Variants in SLC39A2 observed in about 807,000 individuals in gnomAD.
SLC39A2 encodes the protein zinc transporter ZIP2.
SLC39A2 carries 14 observed loss-of-function variants against 18.0 expected under a neutral mutation model. That is an observed-to-expected ratio of 0.78 (90% confidence interval 0.51 to 1.22). SLC39A2 has a LOEUF of 1.22. SLC39A2 is among the 50% of genes most tolerant of loss of function. The pLI is 0.00. For synonymous variants in SLC39A2, 152 were observed against 153.1 expected (o/e 0.99, Z 0.05); for missense variants, 375 against 370.6 (o/e 1.01, Z -0.10).
At chr14:21,000,883 C>T in intron 3 of SLC39A2, 64 bp from the exon 4 acceptor site, 1 of 1,291,462 alleles carries the variant, frequency 7.7e-7, no homozygotes. Flanking sequence ...CTCCCAATTC[C>T]ATGTCCATCC....
intron 2 of SLC39A2, 72 bp downstream of exon 2, chr14:20,999,944 G>T: frequency 6.3e-7 from 1 of 1,585,112 alleles, no homozygotes. Context: ...AAGAGAGCGG[G>T]AAAGTGATGG....
intron 3 of SLC39A2, among the ~76,000 whole-genome samples, 185 bp from the exon 4 acceptor site, chr14:21,000,762 G>T (rs1359093347): frequency 6.6e-6 from 1 of 152,136 alleles, no homozygotes; most frequent in Admixed American, 6.5e-5. Context: ...ATGAGCCACT[G>T]TGTCCGGCCC....
chr14:20,999,338 A>G lies in SLC39A2; in HGVS notation c.-109A>G. On this transcript the variant is annotated 5_prime_UTR_variant, in exon 1 of 4. Coordinates refer to ENST00000298681, the MANE Select transcript of SLC39A2 (RefSeq NM_014579.4). Reference sequence around the variant, plus strand: ...AAGAAGATACCAACAGCCTCCTGAAACTCACGAGAGTGGACACTCCAGTGT... The same window carrying G: ...AAGAAGATACCAACAGCCTCCTGAAGCTCACGAGAGTGGACACTCCAGTGT... 2.6e-6 allele frequency: 2 copies of G among 772,662 alleles called. No individual in the cohort carries two copies. Among genetic ancestry groups the G allele is most frequent in the Non-Finnish European group, 4.5e-6 (2 of 443,026 alleles). The allele number at this position is 772,662 out of a possible 1,614,324, so 47.9% of individuals were successfully genotyped here. A position where few individuals can be genotyped will look rare whatever the true frequency, so the allele number is the denominator to read the frequency against.
Position 21,001,127 on chromosome 14 carries a change from A to G in SLC39A2, c.478A>G (p.Lys160Glu), listed in dbSNP as rs758503970. ...CCATGGACATTTACCCTCACCCTCA[A>G]AGGGTCCCCTCCGAGCCCTTGTCCT... ...HSHGHLPSPS[K>E]GPLRALVLLL... Residue 160 changes from lysine to glutamate, a missense_variant, in exon 4 of 4, where the codon AAG becomes GAG. Physicochemically the swap from Lys to Glu is moderately conservative, Grantham distance 56 (BLOSUM62 1). Transcript: ENST00000298681. 1 of 1,613,960 alleles carries G rather than the reference A, an allele frequency of 6.2e-7. No individual in the cohort carries two copies. Among genetic ancestry groups the G allele is most frequent in the East Asian group, 2.2e-5 (1 of 44,860 alleles).
In SLC39A2 at chr14:21,001,399, T is replaced by A; in HGVS notation, c.750T>A (p.Ser250=). The change falls in exon 4 of 4, where the codon TCT becomes TCA. Residue 250 remains serine, a synonymous_variant. Transcript: ENST00000298681. The stretch of plus-strand genomic sequence containing the variant: ...GGCTGGCTGTGACTGGAGGGGACTC[T>A]GAAGGAGGGCGGGGCTTAGCCCAGG... ...AVGLAVTGGD[S]EGGRGLAQAV... is the part of the protein sequence containing the mutation. The A allele has an allele frequency of 6.2e-7, 1 of 1,614,132 alleles. No individual in the cohort carries two copies. Among genetic ancestry groups the A allele is most frequent in the Non-Finnish European group, 8.5e-7 (1 of 1,179,964 alleles).
chr14:21,001,121 C>T lies in SLC39A2; in HGVS notation c.472C>T (p.Pro158Ser). The T allele has an allele frequency of 4.3e-6, 7 of 1,614,146 alleles. No individual in the cohort carries two copies. The highest frequency in any genetic ancestry group is 5.9e-6 in the Non-Finnish European group (7 of 1,180,002). ...CCACAGCCATGGACATTTACCCTCA[C>T]CCTCAAAGGGTCCCCTCCGAGCCCT... ...ELHSHGHLPS[P>S]SKGPLRALVL... Residue 158 changes from proline to serine, a missense_variant, in exon 4 of 4, where the codon CCC becomes TCC. Physicochemically the swap from Pro to Ser is moderately conservative, Grantham distance 74 (BLOSUM62 -1). Coordinates refer to ENST00000298681, the MANE Select transcript of SLC39A2 (RefSeq NM_014579.4).
At chr14:20,999,944 G>A (rs973093655) in intron 2 of SLC39A2, 72 bp downstream of exon 2, 85 of 1,584,994 alleles carry the variant, frequency 5.4e-5, no homozygotes, top group Middle Eastern at 1.7e-4. Context: ...AAGAGAGCGG[G>A]AAAGTGATGG....
intron 2 of SLC39A2, 21 bp downstream of exon 2, chr14:20,999,893 C>T: frequency 6.2e-7 from 1 of 1,613,362 alleles, no homozygotes; most frequent in South Asian, 1.1e-5. Flanking sequence ...AGATTTCAAG[C>T]CGCAGGTCTA....
intron 3 of SLC39A2, among the ~76,000 whole-genome samples, chr14:21,000,460 CTT>C (rs904707041): frequency 2.0e-5 from 3 of 152,098 alleles, no homozygotes; most frequent in Non-Finnish European, 2.9e-5. Flanking sequence ...CTCTGGCAGT[CTT>C]TTGTTGTTGT....
rs756494342 is a variant in SLC39A2 at position 21,001,268 on chromosome 14, G to A, written c.619G>A (p.Val207Met). 1.9e-6 allele frequency: 3 copies of A among 1,614,236 alleles called. 1 individual carries two copies. The highest frequency in any genetic ancestry group is 2.5e-6 in the Non-Finnish European group (3 of 1,180,042). ...LAVLAHKGLV[V>M]FGVGMRLVHL... is the part of the protein sequence containing the mutation. ...TGTCCTGGCTCATAAGGGGCTTGTG[G>A]TGTTTGGTGTAGGAATGCGGCTAGT... Residue 207 changes from valine to methionine, a missense_variant, in exon 4 of 4, where the codon GTG (valine) becomes ATG (methionine). Val to Met is a conservative substitution (Grantham distance 21, BLOSUM62 1). Coordinates refer to ENST00000298681, the MANE Select transcript of SLC39A2 (RefSeq NM_014579.4).
Position 21,001,071 on chromosome 14 carries a change from G to C in SLC39A2, c.422G>C (p.Trp141Ser). Residue 141 changes from tryptophan to serine, a missense_variant, in exon 4 of 4, where the codon TGG becomes TCG. Coordinates refer to ENST00000298681, the MANE Select transcript of SLC39A2 (RefSeq NM_014579.4). ...GGATCGACAGTGCAGGACGAAGAAT[G>C]GGGTGGGGCTCATATCTTCGAACTC... The part of the protein sequence containing the change: ...AGGSTVQDEE[W>S]GGAHIFELHS... 6.2e-7 allele frequency: 1 copy of C among 1,609,596 alleles called. No individual in the cohort carries two copies. Among genetic ancestry groups the C allele is most frequent in the Non-Finnish European group, 8.5e-7 (1 of 1,177,004 alleles).
At chr14:21,000,431 A>C (rs1007649430) in intron 3 of SLC39A2, among the ~76,000 whole-genome samples, 3 of 152,096 alleles carry the variant, frequency 2.0e-5, no homozygotes, top group Admixed American at 6.6e-5. Context: ...AACTCTATTG[A>C]GATTCTGTCC....
In SLC39A2 at chr14:21,001,801, C is replaced by T. The variant is rs137875877; in HGVS notation, c.*222C>T. ...GCAGCTATTAATTGGAGAATTGGTACAGAGACGCTCCAGATTTTATTCTTA... is the reference window on the plus strand; with the variant it reads ...GCAGCTATTAATTGGAGAATTGGTATAGAGACGCTCCAGATTTTATTCTTA... On this transcript the variant is annotated 3_prime_UTR_variant, in exon 4 of 4. Coordinates refer to ENST00000298681, the MANE Select transcript of SLC39A2 (RefSeq NM_014579.4). 5.3e-4 allele frequency: 218 copies of T among 412,590 alleles called. No homozygotes were observed. The highest frequency in any genetic ancestry group is 4.1e-3 in the African/African-American group (200 of 49,350). 25.6% of individuals were successfully genotyped at this position (412,590 alleles called of 1,614,324 possible).
At chr14:21,000,284 G>A (rs1461005351) in intron 3 of SLC39A2, 118 bp downstream of exon 3, 3 of 706,912 alleles carry the variant, frequency 4.2e-6, no homozygotes, top group African/African-American at 1.8e-5. Flanking sequence ...CTGCTCCCTA[G>A]CTCAGACATC....
chr14:21,001,149 T>C lies in SLC39A2; in HGVS notation c.500T>C (p.Val167Ala). 1 of 1,614,216 alleles carries C rather than the reference T, an allele frequency of 6.2e-7. No individual in the cohort carries two copies. Among genetic ancestry groups the C allele is most frequent in the South Asian group, 1.1e-5 (1 of 91,082 alleles). Residue 167 changes from valine (V) to alanine (A), a missense_variant, in exon 4 of 4, where the codon GTC becomes GCC. Physicochemically the swap from Val to Ala is moderately conservative, Grantham distance 64 (BLOSUM62 0). Coordinates refer to ENST00000298681, the MANE Select transcript of SLC39A2 (RefSeq NM_014579.4). ...SPSKGPLRALVLLLSLSFHSV... is the reference protein window; with the variant it reads ...SPSKGPLRALALLLSLSFHSV... ...TCAAAGGGTCCCCTCCGAGCCCTTG[T>C]CCTCTTGCTGTCACTCTCCTTTCAC...
Position 21,001,534 on chromosome 14 carries a change from A to G in SLC39A2, c.885A>G (p.Val295=), listed in dbSNP as rs1374973376. 3 of 1,590,312 alleles carry G rather than the reference A, an allele frequency of 1.9e-6. No individual in the cohort carries two copies. Among genetic ancestry groups the G allele is most frequent in the Admixed American group, 1.8e-5 (1 of 55,834 alleles). ...PEAPLAKWSC[V]AAGFAFMAFI... The stretch of plus-strand genomic sequence containing the variant: ...CCCCTCTAGCTAAGTGGAGCTGTGT[A>G]GCCGCTGGTTTTGCCTTCATGGCCT... The change falls in exon 4 of 4, where the codon GTA becomes GTG. Residue 295 remains valine (V), a synonymous_variant. Coordinates refer to ENST00000298681, the MANE Select transcript of SLC39A2 (RefSeq NM_014579.4).
Position 20,999,457 on chromosome 14 carries a change from T to A in SLC39A2, c.11T>A (p.Leu4Gln). 6.2e-7 allele frequency: 1 copy of A among 1,613,728 alleles called. No homozygotes were observed. The highest frequency in any genetic ancestry group is 8.5e-7 in the Non-Finnish European group (1 of 1,179,628). ...CCCTACACCCCAGAGATGGAGCAAC[T>A]ACTAGGAATAAAACTTGGCTGCCTG... Reference protein sequence around the residue: MEQLLGIKLGCLFA... With the variant: MEQQLGIKLGCLFA... Residue 4 changes from leucine to glutamine, a missense_variant, in exon 1 of 4, where the codon CTA becomes CAA. Transcript: ENST00000298681.
rs1185775902 is a variant in SLC39A2 at position 21,001,767 on chromosome 14, TTAGGTTG to T, written c.*189_*195del. 2.1e-6 allele frequency: 1 copy of T among 475,706 alleles called. No homozygotes were observed. The highest frequency in any genetic ancestry group is 3.6e-6 in the Non-Finnish European group (1 of 276,160). 29.5% of individuals were successfully genotyped at this position (475,706 alleles called of 1,614,324 possible). ...TCACCCTGGACTAAGACAAAGATAT[TTAGGTTG>T]AGCAGCTATTAATTGGAGAATTGGT... On this transcript the variant is annotated 3_prime_UTR_variant, in exon 4 of 4. Transcript: ENST00000298681.
intron 3 of SLC39A2, among the ~76,000 whole-genome samples, 190 bp from the exon 4 acceptor site, chr14:21,000,757 C>T (rs112935811): frequency 0.058 from 8,823 of 152,246 alleles, 301 homozygotes; most frequent in African/African-American, 0.093. Flanking sequence ...CAGGCATGAG[C>T]CACTGTGTCC....
Sources: gnomAD v4.1 joint callset for allele counts (sites outside exome capture counted in the v4.1 genomes callset) on GRCh38, gnomAD v4.1.1 for gene constraint, MANE v1.5 for transcripts, NCBI Gene and HGNC (gene_info 2026-07-23, HGNC 2026-07-21) for gene names.